Variants in ZDHHC14 observed in about 807,000 individuals in gnomAD.
The protein encoded by ZDHHC14 is palmitoyltransferase ZDHHC14.
Under a neutral mutation model 47.7 loss-of-function variants are expected in ZDHHC14, and 16 were observed. That is an observed-to-expected ratio of 0.34 (90% confidence interval 0.23 to 0.51). The LOEUF (loss-of-function observed/expected upper bound fraction) is 0.51. ZDHHC14 is among the 20% of genes least tolerant of loss of function. The probability of loss-of-function intolerance (pLI) is 0.97; values close to 1 mark genes in which losing one functional copy is unlikely to be tolerated. For missense variants in ZDHHC14, 515 were observed against 662.5 expected (o/e 0.78, Z 2.44); for synonymous variants, 293 against 278.9 (o/e 1.05, Z -0.50).
intron 7 of ZDHHC14, among the ~76,000 whole-genome samples, chr6:157,649,436 G>T (rs1299613737): frequency 6.6e-6 from 1 of 152,190 alleles, no homozygotes; most frequent in Non-Finnish European, 1.5e-5. Context: ...GATGTGAGGG[G>T]GTGATGCCTA....
chr6:157,537,461 T>C (rs62425002), intron 1 of ZDHHC14, among the ~76,000 whole-genome samples: 92,948 of 152,112 alleles, frequency 0.61, 29,731 homozygotes, highest in African/African-American at 0.82. Flanking sequence ...GGAGGGAGAG[T>C]TCTGTAAAGG....
At chr6:157,458,574 A>T (rs1778984215) in intron 1 of ZDHHC14, among the ~76,000 whole-genome samples, 1 of 152,194 alleles carries the variant, frequency 6.6e-6, no homozygotes, top group African/African-American at 2.4e-5. Flanking sequence ...AAAAGAGGAT[A>T]GACCACAGGA....
chr6:157,660,215 G>T (rs1266210119), intron 8 of ZDHHC14, among the ~76,000 whole-genome samples: 1 of 146,308 alleles, frequency 6.8e-6, no homozygotes, highest in African/African-American at 2.5e-5. Flanking sequence ...CTTTTTAGAC[G>T]GAGTCTCACT....
intron 1 of ZDHHC14, among the ~76,000 whole-genome samples, chr6:157,493,332 G>C (rs906079774): frequency 6.6e-6 from 1 of 152,234 alleles, no homozygotes; most frequent in African/African-American, 2.4e-5. Flanking sequence ...AAGGGCGAGC[G>C]GGACGGTCTG....
intron 1 of ZDHHC14, among the ~76,000 whole-genome samples, chr6:157,407,665 C>G (rs1777791070): frequency 1.3e-5 from 2 of 152,164 alleles, no homozygotes; most frequent in African/African-American, 4.8e-5. Flanking sequence ...CCTGTTGGTG[C>G]TTTGGCCATG....
At chr6:157,618,736 C>T (rs151061771) in intron 3 of ZDHHC14, among the ~76,000 whole-genome samples, 1 of 152,226 alleles carries the variant, frequency 6.6e-6, no homozygotes, top group East Asian at 1.9e-4. Context: ...TAGGAGAGTG[C>T]TGGGTGGGGG....
intron 5 of ZDHHC14, among the ~76,000 whole-genome samples, chr6:157,640,071 C>G (rs1777174995): frequency 6.6e-6 from 1 of 152,180 alleles, no homozygotes; most frequent in Non-Finnish European, 1.5e-5. Context: ...TTCTCCGATT[C>G]GCGGAGGCCA....
chr6:157,650,078 G>T lies in ZDHHC14; in HGVS notation c.965+2710G>T, dbSNP rs531300547. Among the ~76,000 whole-genome samples, 471 of 151,762 alleles carry T rather than the reference G, an allele frequency of 3.1e-3. 16 individuals carry two copies. Among genetic ancestry groups the T allele is most frequent in the Non-Finnish European group, 5.0e-3 (342 of 67,774 alleles). ...CTGTGCCAGGCGCTGTGGGTGCACG[G>T]GAGAGGGGCTGGCTCTGTGCCAGGC... On this transcript the variant is annotated intron_variant, in intron 7 of 8. Coordinates refer to ENST00000359775, the MANE Select transcript of ZDHHC14 (RefSeq NM_024630.3).
At chr6:157,429,178 C>T (rs769944434) in intron 1 of ZDHHC14, among the ~76,000 whole-genome samples, 17 of 152,034 alleles carry the variant, frequency 1.1e-4, no homozygotes, top group Non-Finnish European at 1.8e-4. Flanking sequence ...TCGGCATGGG[C>T]GTCGAGACTT....
At chr6:157,662,755 T>C (rs566127896) in intron 8 of ZDHHC14, among the ~76,000 whole-genome samples, 34 of 152,374 alleles carry the variant, frequency 2.2e-4, no homozygotes, top group Middle Eastern at 3.4e-3. Context: ...CAGAGACAGA[T>C]GTCATGGACA....
chr6:157,386,276 G>A (rs568536243), intron 1 of ZDHHC14, among the ~76,000 whole-genome samples: 1 of 152,126 alleles, frequency 6.6e-6, no homozygotes, highest in Non-Finnish European at 1.5e-5. Context: ...GGAGGCCGAG[G>A]CAGGAGGATC....
At position 157,673,230 on chromosome 6, in the gene ZDHHC14, A is replaced by G. The variant is rs756283047; in HGVS notation, c.*108A>G. 4 of 1,404,748 alleles carry G rather than the reference A, an allele frequency of 2.8e-6. No homozygotes were observed. Among genetic ancestry groups the G allele is most frequent in the Non-Finnish European group, 2.8e-6 (3 of 1,074,462 alleles). 87.0% of individuals were successfully genotyped at this position (1,404,748 alleles called of 1,614,324 possible). A position where few individuals can be genotyped will look rare whatever the true frequency, so the allele number is the denominator to read the frequency against. On this transcript the variant is annotated 3_prime_UTR_variant, in exon 9 of 9. Coordinates refer to ENST00000359775, the MANE Select transcript of ZDHHC14 (RefSeq NM_024630.3). The surrounding 1 kb of genome is among the most constrained non-coding windows in gnomAD (Gnocchi z 5.4). The stretch of plus-strand genomic sequence containing the variant: ...TTTCCCAGCCAATGCCACGGTGGAG[A>G]TGACAGCCCCAGGTCTGGGGTACAG...
intron 1 of ZDHHC14, among the ~76,000 whole-genome samples, chr6:157,483,696 G>T (rs1193009604): frequency 6.6e-6 from 1 of 152,102 alleles, no homozygotes; most frequent in Non-Finnish European, 1.5e-5. Flanking sequence ...GAGGTTTGAC[G>T]GTGGGTAAAG....
chr6:157,588,249 A>G (rs539267007), intron 2 of ZDHHC14, among the ~76,000 whole-genome samples: 1 of 152,180 alleles, frequency 6.6e-6, no homozygotes, highest in South Asian at 2.1e-4. Flanking sequence ...TGACACAGCA[A>G]GACTCCATCT....
chr6:157,626,080 CTAT>C (rs926553681), intron 3 of ZDHHC14, among the ~76,000 whole-genome samples: 21 of 152,300 alleles, frequency 1.4e-4, no homozygotes, highest in Admixed American at 6.5e-4. Context: ...AACCTGCCTG[CTAT>C]GGTAGAAATG....
At chr6:157,462,032 G>C (rs1185110483) in intron 1 of ZDHHC14, among the ~76,000 whole-genome samples, 1 of 152,212 alleles carries the variant, frequency 6.6e-6, no homozygotes, top group Non-Finnish European at 1.5e-5. Flanking sequence ...TGGCACCAGA[G>C]GGGGCTCTGC....
intron 1 of ZDHHC14, among the ~76,000 whole-genome samples, chr6:157,436,544 G>A (rs1354070499): frequency 7.5e-6 from 1 of 132,772 alleles, no homozygotes; most frequent in African/African-American, 2.7e-5. Flanking sequence ...CATGAGAGTC[G>A]CCCAGGTGAG....
chr6:157,656,761 C>G lies in ZDHHC14; in HGVS notation c.1068+3134C>G, dbSNP rs533402669. ...AGACTCCTTGCCCTCCTGTTCTCTGCTGTGACTGAGGATGAGACAGTCTGA... is the reference window on the plus strand; with the variant it reads ...AGACTCCTTGCCCTCCTGTTCTCTGGTGTGACTGAGGATGAGACAGTCTGA... On this transcript the variant is annotated intron_variant, in intron 8 of 8. Transcript: ENST00000359775. 1.3e-4 allele frequency among the ~76,000 whole-genome samples: 19 copies of G among 151,050 alleles called. No homozygotes were observed. The South Asian group carries it at 4.0e-3, about 32-fold the overall frequency.
intron 2 of ZDHHC14, among the ~76,000 whole-genome samples, chr6:157,550,636 G>A (rs902287197): frequency 5.3e-5 from 8 of 152,224 alleles, no homozygotes; most frequent in Admixed American, 1.3e-4. Context: ...AGACCATGGT[G>A]TCACATAGGG....
Sources: gnomAD v4.1 joint callset for allele counts (sites outside exome capture counted in the v4.1 genomes callset) on GRCh38, gnomAD v4.1.1 for gene constraint, Gnocchi (gnomAD v3.1) non-coding constraint, MANE v1.5 for transcripts, NCBI Gene and HGNC (gene_info 2026-07-23, HGNC 2026-07-21) for gene names.